SCHIP1: variants seen among roughly 807,000 people sequenced by gnomAD.
SCHIP1 encodes schwannomin-interacting protein 1.
SCHIP1 carries 8 observed loss-of-function variants against 29.7 expected under a neutral mutation model. The observed-to-expected ratio is 0.27, with a 90% CI of 0.16 to 0.49. SCHIP1 has a LOEUF of 0.49. SCHIP1 is among the 20% of genes least tolerant of loss of function. SCHIP1 has a pLI of 0.99. For missense variants in SCHIP1, 193 were observed against 294.6 expected (o/e 0.66, Z 2.52); for synonymous variants, 76 against 94.9 (o/e 0.80, Z 1.16).
chr3:159,636,157 T>C, the SCHIP1 span, among the ~76,000 whole-genome samples: 4 of 152,220 alleles, frequency 2.6e-5, no homozygotes, highest in South Asian at 8.3e-4. Context: ...CAAGTGATTC[T>C]CCTGCCTAGC....
chr3:159,863,180 A>G (rs1714242466), intron 1 of SCHIP1, among the ~76,000 whole-genome samples: 2 of 152,146 alleles, frequency 1.3e-5, no homozygotes, highest in African/African-American at 4.8e-5. Context: ...TCTCTACTAA[A>G]AATACAAAAA....
chr3:159,559,993 G>A, the SCHIP1 span, among the ~76,000 whole-genome samples: 2 of 152,050 alleles, frequency 1.3e-5, no homozygotes, highest in Non-Finnish European at 2.9e-5. Context: ...ATACCTAATA[G>A]CCTAGATAAG....
rs1050545245 is a variant in SCHIP1 at position 159,879,125 on chromosome 3, C to T, written c.150-7082C>T. Among the ~76,000 whole-genome samples, 5 of 152,010 alleles carry T rather than the reference C, an allele frequency of 3.3e-5. No homozygotes were observed. In the South Asian group the frequency reaches 6.2e-4, roughly 19 times the overall value. The stretch of plus-strand genomic sequence containing the variant: ...TCTAATGTAATAATATTGGACTAAT[C>T]TTATTCATAAGATTAGTATTTCTAC... On this transcript the variant is annotated intron_variant, in intron 2 of 6. Transcript: ENST00000445224.
At chr3:159,453,509 C>T in the SCHIP1 span, among the ~76,000 whole-genome samples, 1 of 152,180 alleles carries the variant, frequency 6.6e-6, no homozygotes, top group African/African-American at 2.4e-5. Context: ...TTGCTGCTTT[C>T]ACTTAGCTGT....
At chr3:159,593,171 A>C in the SCHIP1 span, among the ~76,000 whole-genome samples, 1 of 152,194 alleles carries the variant, frequency 6.6e-6, no homozygotes, top group Non-Finnish European at 1.5e-5. Context: ...GCACTTAGTA[A>C]ATATTTAATA....
chr3:159,840,756 TA>T (rs2109018590), intron 1 of SCHIP1, among the ~76,000 whole-genome samples: 1 of 152,356 alleles, frequency 6.6e-6, no homozygotes, highest in East Asian at 1.9e-4. Flanking sequence ...TATGTTGTTT[TA>T]AATGGTTGGT....
the SCHIP1 span, among the ~76,000 whole-genome samples, chr3:159,485,291 A>G: frequency 6.6e-6 from 1 of 152,194 alleles, no homozygotes. Context: ...AGTGACTTTG[A>G]ATAGTTACTT....
At chr3:159,786,632 G>A in the SCHIP1 span, among the ~76,000 whole-genome samples, 1 of 151,744 alleles carries the variant, frequency 6.6e-6, no homozygotes, top group Non-Finnish European at 1.5e-5. Context: ...CGCACCTTTA[G>A]TCAGATAAGC....
the SCHIP1 span, among the ~76,000 whole-genome samples, chr3:159,403,161 C>A: frequency 0.017 from 2,512 of 152,084 alleles, 57 homozygotes; most frequent in African/African-American, 0.057. Context: ...TAGGGATAAT[C>A]AAGAAATGTA....
At chr3:159,551,068 C>T in the SCHIP1 span, among the ~76,000 whole-genome samples, 1 of 152,110 alleles carries the variant, frequency 6.6e-6, no homozygotes, top group Non-Finnish European at 1.5e-5. Flanking sequence ...TCTACAGATC[C>T]TGCTTTGGTA....
At chr3:159,752,926 T>C in the SCHIP1 span, among the ~76,000 whole-genome samples, 1 of 152,218 alleles carries the variant, frequency 6.6e-6, no homozygotes, top group Non-Finnish European at 1.5e-5. Flanking sequence ...AACATCTATT[T>C]TTTGACATTT....
the SCHIP1 span, among the ~76,000 whole-genome samples, chr3:159,641,151 T>C: frequency 7.9e-5 from 12 of 152,180 alleles, no homozygotes; most frequent in African/African-American, 2.4e-4. Flanking sequence ...AGCCATTCAA[T>C]AGGTGTTGAA....
At chr3:159,652,257 A>T in the SCHIP1 span, among the ~76,000 whole-genome samples, 1 of 152,178 alleles carries the variant, frequency 6.6e-6, no homozygotes, top group Non-Finnish European at 1.5e-5. Flanking sequence ...AGGAAAAATT[A>T]TATTTTTTAT....
chr3:159,602,170 C>G, the SCHIP1 span, among the ~76,000 whole-genome samples: 1 of 152,154 alleles, frequency 6.6e-6, no homozygotes. Flanking sequence ...TTTTCTTTCC[C>G]CTCAATACCA....
At chr3:159,814,574 C>T in the SCHIP1 span, among the ~76,000 whole-genome samples, 9 of 152,212 alleles carry the variant, frequency 5.9e-5, no homozygotes, top group Non-Finnish European at 1.3e-4. Flanking sequence ...GAGCTGTCAG[C>T]CCTGATGGGG....
At chr3:159,284,593 A>T in the SCHIP1 span, among the ~76,000 whole-genome samples, 1 of 152,152 alleles carries the variant, frequency 6.6e-6, no homozygotes, top group African/African-American at 2.4e-5. Context: ...GGTTAAAACG[A>T]TTCTCCTGCC....
chr3:159,531,603 C>T, the SCHIP1 span, among the ~76,000 whole-genome samples: 1 of 152,148 alleles, frequency 6.6e-6, no homozygotes, highest in Non-Finnish European at 1.5e-5. Flanking sequence ...GAAAATTAAT[C>T]TATCAATTAA....
chr3:159,740,665 T>C, the SCHIP1 span, among the ~76,000 whole-genome samples: 1 of 150,644 alleles, frequency 6.6e-6, no homozygotes, highest in Non-Finnish European at 1.5e-5. Context: ...TAAAAATGAA[T>C]CTCTGCCTTC....
the SCHIP1 span, among the ~76,000 whole-genome samples, chr3:159,794,805 CCACAA>C: frequency 6.6e-6 from 1 of 152,132 alleles, no homozygotes; most frequent in Non-Finnish European, 1.5e-5. Context: ...GTAGGTCTCA[CCACAA>C]AGATGACCTT....
Sources: allele counts gnomAD v4.1 joint callset (sites outside exome capture counted in the v4.1 genomes callset), GRCh38; gene constraint gnomAD v4.1.1; transcripts MANE v1.5; gene names NCBI Gene and HGNC (gene_info 2026-07-23, HGNC 2026-07-21).